The following SOX6 variants were observed in gnomAD, a reference collection of about 807,000 sequenced individuals.
SOX6 encodes transcription factor SOX-6.
Under a neutral mutation model 97.8 loss-of-function variants are expected in SOX6, and 11 were observed. That is an observed-to-expected ratio of 0.11 (90% CI 0.07 to 0.19). The LOEUF is 0.19. Ranked by LOEUF, SOX6 falls within the 10% of genes least tolerant of loss-of-function variation. SOX6 has a pLI of 1.00. For synonymous variants in SOX6, 360 were observed against 371.4 expected (o/e 0.97, Z 0.35); for missense variants, 810 against 1,039.5 (o/e 0.78, Z 3.04).
At chr11:16,090,642 A>T (rs1358835578) in intron 9 of SOX6, among the ~76,000 whole-genome samples, 1 of 152,048 alleles carries the variant, frequency 6.6e-6, no homozygotes, top group African/African-American at 2.4e-5. Flanking sequence ...TCCGGAAAAA[A>T]AAAAGGTTTT....
chr11:16,443,433 T>C (rs1165966183), intron 1 of SOX6, among the ~76,000 whole-genome samples: 3 of 152,230 alleles, frequency 2.0e-5, no homozygotes, highest in African/African-American at 7.2e-5. Context: ...CTCTGCATTT[T>C]GATTTAATAA....
chr11:16,269,151 ATGGCTATACCATATATTAAAAAGT>A (rs1554951370), intron 3 of SOX6, among the ~76,000 whole-genome samples: 1 of 150,730 alleles, frequency 6.6e-6, no homozygotes, highest in Non-Finnish European at 1.5e-5. Flanking sequence ...AATTTAATAT[ATGGCTATACCATATATTAAAAAGT>A]TTATCTATGC....
At chr11:16,403,959 C>T (rs1427080817) in intron 1 of SOX6, among the ~76,000 whole-genome samples, 1 of 151,756 alleles carries the variant, frequency 6.6e-6, no homozygotes, top group African/African-American at 2.4e-5. Flanking sequence ...ATGGTCATCC[C>T]CAGTCTATAT....
chr11:15,989,326 G>A (rs1853972285), intron 13 of SOX6, 96 bp from the exon 14 acceptor site: 1 of 945,766 alleles, frequency 1.1e-6, no homozygotes, highest in Admixed American at 2.9e-5. Context: ...GTTTTCCCCA[G>A]GTCCTCCTCT....
chr11:16,484,561 A>T, intron 4 of SOX6: 1 of 761,904 alleles, frequency 1.3e-6, no homozygotes, highest in Non-Finnish European at 2.4e-6. Flanking sequence ...AGTACCTGAC[A>T]TCAATGGCCA....
intron 6 of SOX6, among the ~76,000 whole-genome samples, chr11:16,117,353 AAAAAC>A (rs1316636103): frequency 6.7e-6 from 1 of 149,744 alleles, no homozygotes; most frequent in Non-Finnish European, 1.5e-5. Context: ...CTCCATCTCA[AAAAAC>A]AAAACAAAAC....
chr11:16,540,974 T>A (rs1297947190), intron 4 of SOX6, among the ~76,000 whole-genome samples: 1 of 152,162 alleles, frequency 6.6e-6, no homozygotes, highest in Non-Finnish European at 1.5e-5. Flanking sequence ...AAAACTATTC[T>A]AAAGTTCATA....
intron 4 of SOX6, among the ~76,000 whole-genome samples, chr11:16,597,519 A>C (rs1487763238): frequency 6.6e-6 from 1 of 151,970 alleles, no homozygotes; most frequent in Non-Finnish European, 1.5e-5. Context: ...GAAAATCTTC[A>C]AAAAATCAAA....
intron 3 of SOX6, among the ~76,000 whole-genome samples, chr11:16,262,984 A>T (rs1565056166): frequency 6.6e-6 from 1 of 151,888 alleles, no homozygotes; most frequent in South Asian, 2.1e-4. Flanking sequence ...AACATCACAA[A>T]ACTTGCCAAG....
At chr11:16,176,305 G>C (rs546756143) in intron 6 of SOX6, among the ~76,000 whole-genome samples, 3 of 151,790 alleles carry the variant, frequency 2.0e-5, no homozygotes, top group Admixed American at 2.0e-4. Context: ...AAAATCTTTG[G>C]GATAGGCATC....
intron 4 of SOX6, among the ~76,000 whole-genome samples, chr11:16,513,073 C>T (rs544717754): frequency 1.4e-4 from 22 of 152,272 alleles, no homozygotes; most frequent in Non-Finnish European, 2.8e-4. Flanking sequence ...GAAAGAAAAA[C>T]TCACTTTCTA....
At chr11:16,690,367 C>G (rs933365347) in intron 3 of SOX6, among the ~76,000 whole-genome samples, 1 of 152,318 alleles carries the variant, frequency 6.6e-6, no homozygotes, top group African/African-American at 2.4e-5. Flanking sequence ...TGTTTTCTCT[C>G]CAGACTATTA....
chr11:16,075,287 C>G (rs1483701223), intron 9 of SOX6, among the ~76,000 whole-genome samples: 2 of 152,126 alleles, frequency 1.3e-5, no homozygotes, highest in Non-Finnish European at 2.9e-5. Flanking sequence ...GGAGACCTCA[C>G]AATCATGGTG....
In SOX6 at chr11:16,406,046, G is replaced by C. The variant is rs111823942; in HGVS notation, c.-4-64794C>G. 5.3e-5 allele frequency among the ~76,000 whole-genome samples: 8 copies of C among 151,840 alleles called. No individual in the cohort carries two copies. In the Admixed American group the frequency reaches 5.3e-4, roughly 10 times the overall value. ...TCTATCTTTCTTTATGGACTAAATC[G>C]TTCTGTGCCCCATAAGGCTACTACT... is the stretch of plus-strand genomic sequence containing the variant. On this transcript the variant is annotated intron_variant, in intron 1 of 15. Transcript: ENST00000396356.
intron 6 of SOX6, among the ~76,000 whole-genome samples, chr11:16,154,338 AC>A (rs1426038748): frequency 2.6e-5 from 4 of 151,836 alleles, no homozygotes; most frequent in African/African-American, 7.3e-5. Flanking sequence ...TAGAATAATA[AC>A]CCCCCTAATT....
intron 3 of SOX6, among the ~76,000 whole-genome samples, chr11:16,261,942 G>A (rs565594593): frequency 6.6e-6 from 1 of 152,040 alleles, no homozygotes; most frequent in South Asian, 2.1e-4. Flanking sequence ...TATTTTGAGG[G>A]GGGAATAGAA....
At chr11:16,559,525 C>T (rs1279770698) in intron 4 of SOX6, among the ~76,000 whole-genome samples, 1 of 151,128 alleles carries the variant, frequency 6.6e-6, no homozygotes, top group Non-Finnish European at 1.5e-5. Flanking sequence ...TCATTCATTG[C>T]TCTTTGGTGC....
chr11:16,014,929 A>G lies in SOX6; in HGVS notation c.1732+13T>C. 6.2e-7 allele frequency: 1 copy of G among 1,609,894 alleles called. No homozygotes were observed. The stretch of plus-strand genomic sequence containing the variant: ...ATGGAGCAGCAGAAAAGAACTAGAG[A>G]AAAGCCACTCACCCTCTGCATCTTC... On this transcript the variant is annotated intron_variant, in intron 13 of 15. Coordinates refer to ENST00000683767, the MANE Select transcript of SOX6 (RefSeq NM_001367873.1).
intron 1 of SOX6, among the ~76,000 whole-genome samples, chr11:16,468,982 T>A (rs564079593): frequency 1.1e-4 from 16 of 152,120 alleles, no homozygotes; most frequent in African/African-American, 3.4e-4. Flanking sequence ...CACTGATAAT[T>A]GAGCAATTAA....
Sources: allele counts gnomAD v4.1 joint callset (sites outside exome capture counted in the v4.1 genomes callset), GRCh38; gene constraint gnomAD v4.1.1; transcripts MANE v1.5; gene names NCBI Gene and HGNC (gene_info 2026-07-23, HGNC 2026-07-21).